SCIN: variants seen among roughly 807,000 people sequenced by gnomAD.
The protein encoded by SCIN is scinderin.
Under a neutral mutation model 91.8 loss-of-function variants are expected in SCIN, and 91 were observed. The observed-to-expected ratio is 0.99, with a 90% confidence interval of 0.84 to 1.18. SCIN has a LOEUF of 1.18. Ranked by LOEUF, SCIN falls within the 50% of genes most tolerant of loss-of-function variation. SCIN has a pLI of 0.00. For missense variants in SCIN, 1,087 were observed against 863.9 expected, an observed-to-expected ratio of 1.26 and a Z score of -3.24; for synonymous variants, 367 against 312.6, an observed-to-expected ratio of 1.17 and a Z score of -1.84.
At chr7:12,648,028 C>T (rs150497129) in intron 13 of SCIN, among the ~76,000 whole-genome samples, 2,216 of 152,148 alleles carry the variant, frequency 0.015, 54 homozygotes, top group African/African-American at 0.05. Context: ...AATCCAAACT[C>T]CTGCGTAAGG....
Position 12,644,171 on chromosome 7 carries a change from GA to G in SCIN, c.1616del (p.Asp539ValfsTer5), listed in dbSNP as rs1562634041. ...DVDANSLNSN[D>X]VFVLKLPQNS... ...TGATGCAAATTCACTGAATTCTAAC[GA>G]TGTTTTTGTCCTGAAACTGCCACAA... On this transcript the variant is annotated frameshift_variant, in exon 12 of 16. Coordinates refer to ENST00000297029, the MANE Select transcript of SCIN (RefSeq NM_001112706.3). LOFTEE classifies it high-confidence loss of function. 6.2e-7 allele frequency: 1 copy of G among 1,612,940 alleles called. No individual in the cohort carries two copies. Among genetic ancestry groups the G allele is most frequent in the Admixed American group, 1.7e-5 (1 of 59,916 alleles).
At chr7:12,591,242 A>G (rs906286394) in intron 3 of SCIN, among the ~76,000 whole-genome samples, 2 of 152,118 alleles carry the variant, frequency 1.3e-5, no homozygotes, top group African/African-American at 4.8e-5. Flanking sequence ...GGGATTTTTT[A>G]TAAAGAGGGC....
intron 10 of SCIN, among the ~76,000 whole-genome samples, chr7:12,639,182 G>A (rs899686827): frequency 7.2e-5 from 11 of 152,112 alleles, no homozygotes; most frequent in Non-Finnish European, 1.5e-4. Context: ...TTGACAGTAA[G>A]GGATGGGCCT....
chr7:12,632,108 T>C (rs1357546679), intron 9 of SCIN, among the ~76,000 whole-genome samples: 23 of 141,980 alleles, frequency 1.6e-4, no homozygotes, highest in Admixed American at 8.4e-4. Context: ...TATTTTATTT[T>C]ATTTTATTTT....
At chr7:12,571,169 A>G (rs1442521735) in intron 1 of SCIN, 184 bp downstream of exon 1, 2 of 647,494 alleles carry the variant, frequency 3.1e-6, no homozygotes, top group Non-Finnish European at 5.2e-6. Flanking sequence ...CGCCGGCTGC[A>G]AACGCGGGGC....
At chr7:12,636,777 A>G (rs773788217) in intron 10 of SCIN, among the ~76,000 whole-genome samples, 3 of 152,206 alleles carry the variant, frequency 2.0e-5, no homozygotes, top group Non-Finnish European at 4.4e-5. Flanking sequence ...AATTGCTAGA[A>G]CGAGGATATC....
At chr7:12,619,240 A>C (rs139786019) in intron 4 of SCIN, among the ~76,000 whole-genome samples, 1 of 152,180 alleles carries the variant, frequency 6.6e-6, no homozygotes, top group African/African-American at 2.4e-5. Context: ...CTTATGATGC[A>C]TTACAAATAT....
At chr7:12,598,611 G>A (rs963890494) in intron 3 of SCIN, among the ~76,000 whole-genome samples, 17 of 152,120 alleles carry the variant, frequency 1.1e-4, no homozygotes, top group East Asian at 5.8e-4. Context: ...CAGTGTTATC[G>A]GCCTGGCACA....
At chr7:12,573,434 C>T (rs4458754) in intron 1 of SCIN, among the ~76,000 whole-genome samples, 49,679 of 152,032 alleles carry the variant, frequency 0.33, 8,981 homozygotes, top group Middle Eastern at 0.42. Context: ...GCAGGAGAGT[C>T]GTCTTTCTTG....
chr7:12,578,854 A>G (rs1583273199), intron 2 of SCIN, among the ~76,000 whole-genome samples: 1 of 149,164 alleles, frequency 6.7e-6, no homozygotes, highest in Admixed American at 6.7e-5. Flanking sequence ...AAAATAAACA[A>G]GAACAAATAG....
chr7:12,580,389 A>G (rs995760684), intron 2 of SCIN, among the ~76,000 whole-genome samples: 2 of 152,150 alleles, frequency 1.3e-5, no homozygotes, highest in Admixed American at 1.3e-4. Flanking sequence ...ATTTCATTTT[A>G]TTTTATTTTT....
chr7:12,615,915 T>C (rs1253532734), intron 4 of SCIN, among the ~76,000 whole-genome samples: 1 of 152,142 alleles, frequency 6.6e-6, no homozygotes, highest in Non-Finnish European at 1.5e-5. Flanking sequence ...AAAAGTTATA[T>C]ATAAATCAGG....
Position 12,636,120 on chromosome 7 carries a change from A to T in SCIN, c.1395A>T (p.Gly465=), listed in dbSNP as rs1783747198. 1.2e-6 allele frequency: 2 copies of T among 1,612,624 alleles called. No individual in the cohort carries two copies. The highest frequency in any genetic ancestry group is 1.7e-6 in the Non-Finnish European group (2 of 1,179,388). ...FLTVQLDRSL[G]GQAVQIRVSQ... ...CTGTTCAGTTGGATCGGTCCCTTGG[A>T]GGACAGGCTGTGCAGGTTGGGATAT... is the stretch of plus-strand genomic sequence containing the variant. Residue 465 remains glycine (G), a synonymous_variant, in exon 10 of 16, where the codon GGA becomes GGT. Transcript: ENST00000297029.
rs1165899265 is a variant in SCIN, at chr7:12,646,433, G to A, written c.1881+1728G>A. On this transcript the variant is annotated intron_variant, in intron 13 of 15. Coordinates refer to ENST00000297029, the MANE Select transcript of SCIN (RefSeq NM_001112706.3). ...CTAAGCAGGGGCACTGTACCCTCATGGCCTCATCTGAACCTAATTACCTCC... is the reference window on the plus strand; with the variant it reads ...CTAAGCAGGGGCACTGTACCCTCATAGCCTCATCTGAACCTAATTACCTCC... Among the ~76,000 whole-genome samples the A allele has an allele frequency of 2.6e-5, 4 of 152,166 alleles. No homozygotes were observed. The East Asian group carries it at 7.8e-4, about 29-fold the overall frequency.
rs141735559 is a variant in SCIN, at chr7:12,648,192, TA to T, written c.1882-1267del. Among the ~76,000 whole-genome samples, 49 of 151,650 alleles carry T rather than the reference TA, an allele frequency of 3.2e-4. 1 individual carries two copies. The highest frequency in any genetic ancestry group is 1.2e-4 in the Non-Finnish European group (8 of 67,888). ...TTAACACAATTTAACCCATTAAAAA[TA>T]AAAAAAATTTTGTACATGCAAATAT... On this transcript the variant is annotated intron_variant, in intron 13 of 15. Transcript: ENST00000297029.
chr7:12,592,129 G>C (rs1482355905), intron 3 of SCIN, among the ~76,000 whole-genome samples: 1 of 152,184 alleles, frequency 6.6e-6, no homozygotes, highest in Non-Finnish European at 1.5e-5. Flanking sequence ...GGTCAGTCCA[G>C]GTGAAAGCAA....
chr7:12,596,899 T>A (rs1782854736), intron 3 of SCIN, among the ~76,000 whole-genome samples: 1 of 152,178 alleles, frequency 6.6e-6, no homozygotes, highest in African/African-American at 2.4e-5. Context: ...ACCAATCCTA[T>A]AGGCTTAGAC....
At chr7:12,588,906 C>T (rs992126871) in intron 3 of SCIN, 3 of 147,302 alleles carry the variant, frequency 2.0e-5, no homozygotes, top group Non-Finnish European at 4.4e-5. Context: ...AGAAGAGGGG[C>T]GCCGTTGTCC....
At position 12,581,159 on chromosome 7, in the gene SCIN, G is replaced by C; in HGVS notation, c.454G>C (p.Glu152Gln). Residue 152 changes from glutamate (E) to glutamine (Q), a missense_variant, in exon 3 of 16, where the codon GAA becomes CAA. Glu to Gln is a conservative substitution (Grantham distance 29). Coordinates refer to ENST00000297029, the MANE Select transcript of SCIN (RefSeq NM_001112706.3). ...GGGTCGTAGAGTGGTGAGAGCCACA[G>C]AAGTTCCCCTTAGCTGGGACAGTTT... Reference protein sequence around the residue: ...VKGRRVVRATEVPLSWDSFNK... With the variant: ...VKGRRVVRATQVPLSWDSFNK... The C allele has an allele frequency of 6.4e-7, 1 of 1,551,542 alleles. No individual in the cohort carries two copies. The highest frequency in any genetic ancestry group is 1.2e-5 in the South Asian group (1 of 84,056).
Sources: allele counts gnomAD v4.1 joint callset (sites outside exome capture counted in the v4.1 genomes callset), GRCh38; gene constraint gnomAD v4.1.1; transcripts MANE v1.5; gene names NCBI Gene and HGNC (gene_info 2026-07-23, HGNC 2026-07-21).